The following YTHDF1 variants were observed in gnomAD, a reference collection of about 807,000 sequenced individuals.
YTHDF1 encodes YTH domain-containing family protein 1.
In YTHDF1, 16 loss-of-function variants were observed where a neutral mutation model predicts 49.1. The observed-to-expected ratio is 0.33, with a 90% CI of 0.22 to 0.49. YTHDF1 has a LOEUF of 0.49. YTHDF1 is among the 20% of genes least tolerant of loss of function. The probability of loss-of-function intolerance (pLI) is 0.99; values close to 1 mark genes in which losing one functional copy is unlikely to be tolerated. For synonymous variants in YTHDF1, 313 were observed against 290.1 expected (o/e 1.08, Z -0.80); for missense variants, 621 against 744.3 (o/e 0.83, Z 1.93).
At chr20:63,215,738 G>T in intron 1 of YTHDF1, 128 bp downstream of exon 1, 1 of 1,377,116 alleles carries the variant, frequency 7.3e-7, no homozygotes. Flanking sequence ...TGCGACCCCG[G>T]CCCCGAGACC....
intron 3 of YTHDF1, among the ~76,000 whole-genome samples, chr20:63,209,400 AT>A (rs1217768270): frequency 2.6e-5 from 4 of 152,154 alleles, no homozygotes; most frequent in African/African-American, 9.7e-5. Context: ...CTGTACAAAA[AT>A]TTTTTTTGTT....
chr20:63,215,473 G>A, intron 2 of YTHDF1, 104 bp downstream of exon 2: 2 of 1,494,280 alleles, frequency 1.3e-6, no homozygotes, highest in Non-Finnish European at 1.8e-6. Flanking sequence ...CCTGAAGCTG[G>A]CGGAAGAGAG....
At chr20:63,215,773 C>T (rs2066599269) in intron 1 of YTHDF1, 93 bp downstream of exon 1, 1 of 1,387,382 alleles carries the variant, frequency 7.2e-7, no homozygotes, top group East Asian at 3.0e-5. Flanking sequence ...GCCCGGCCTC[C>T]GCGACCCCGG....
chr20:63,203,196 C>A lies in YTHDF1; in HGVS notation c.744G>T (p.Met248Ile), dbSNP rs531981548. ...ASKPAKPQPK[M>I]KTKSGPVMGG... ...CCATGACAGGCCCGCTCTTTGTTTT[C>A]ATTTTAGGCTGTGGTTTTGCAGGCT... The change falls in exon 4 of 5, where the codon ATG (methionine) becomes ATT (isoleucine). Residue 248 changes from methionine to isoleucine, a missense_variant. This residue lies in a region of YTHDF1 where 470 missense variants were observed against 495.8 expected (regional missense o/e 0.95). Coordinates refer to ENST00000370339, the MANE Select transcript of YTHDF1 (RefSeq NM_017798.4). This position sits in a 1 kb window ranked among gnomAD's most constrained non-coding sequence, Gnocchi z 4.4. The A allele has an allele frequency of 7.4e-6, 12 of 1,613,988 alleles. No individual in the cohort carries two copies. The East Asian group carries it at 2.7e-4, about 36-fold the overall frequency.
intron 4 of YTHDF1, 71 bp downstream of exon 4, chr20:63,202,216 C>G: frequency 6.5e-7 from 1 of 1,533,370 alleles, no homozygotes; most frequent in Admixed American, 1.9e-5. Context: ...TGCTCACCAC[C>G]GGGCCACCTG....
intron 3 of YTHDF1, among the ~76,000 whole-genome samples, chr20:63,213,119 CCAGT>C (rs567373289): frequency 3.7e-4 from 56 of 152,282 alleles, no homozygotes; most frequent in African/African-American, 1.3e-3. Context: ...TGGACACAGG[CCAGT>C]CAGTGGTGGA....
chr20:63,204,830 A>G (rs2066538110), intron 3 of YTHDF1, among the ~76,000 whole-genome samples: 1 of 152,092 alleles, frequency 6.6e-6, no homozygotes, highest in Admixed American at 6.5e-5. Flanking sequence ...GAGAGACTCA[A>G]CTAAGGGTCT....
At chr20:63,209,104 A>G (rs972064195) in intron 3 of YTHDF1, among the ~76,000 whole-genome samples, 2 of 152,368 alleles carry the variant, frequency 1.3e-5, no homozygotes, top group African/African-American at 2.4e-5. Flanking sequence ...AAAATACGGT[A>G]TAAGAAATCA....
At chr20:63,215,262 A>G (rs1271109720) in intron 2 of YTHDF1, among the ~76,000 whole-genome samples, 2 of 152,174 alleles carry the variant, frequency 1.3e-5, no homozygotes, top group African/African-American at 4.8e-5. Context: ...TGCTGGGCGG[A>G]AAAAGGCAAG....
intron 3 of YTHDF1, among the ~76,000 whole-genome samples, chr20:63,211,401 G>A (rs925942292): frequency 6.6e-6 from 1 of 152,112 alleles, no homozygotes; most frequent in Non-Finnish European, 1.5e-5. Context: ...GGAAGTCGAG[G>A]CTGCAGTGAG....
intron 3 of YTHDF1, among the ~76,000 whole-genome samples, chr20:63,206,568 A>G (rs2066547182): frequency 6.6e-6 from 1 of 152,112 alleles, no homozygotes; most frequent in African/African-American, 2.4e-5. Flanking sequence ...ACCACCATTC[A>G]CATCCTGAGC....
intron 3 of YTHDF1, among the ~76,000 whole-genome samples, chr20:63,210,211 T>C (rs565282031): frequency 2.0e-5 from 3 of 152,300 alleles, no homozygotes; most frequent in East Asian, 3.9e-4. Flanking sequence ...TGTGGTCTGT[T>C]GCTGACCAAA....
chr20:63,215,714 G>A, intron 1 of YTHDF1, 113 bp from the exon 2 acceptor site: 3 of 1,415,814 alleles, frequency 2.1e-6, no homozygotes, highest in South Asian at 1.5e-5. Context: ...CGCCGGCCCC[G>A]ACGCGCGGTC....
intron 2 of YTHDF1, among the ~76,000 whole-genome samples, chr20:63,214,361 AACT>A (rs2066590982): frequency 6.6e-6 from 1 of 152,204 alleles, no homozygotes; most frequent in Non-Finnish European, 1.5e-5. Context: ...AAGGGGCTGC[AACT>A]GAAGGACTGT....
chr20:63,213,932 A>G lies in YTHDF1; in HGVS notation c.64T>C (p.Ser22Pro). Residue 22 changes from serine (S) to proline (P), a missense_variant, in exon 3 of 5, where the codon TCG becomes CCG. Ser to Pro is a moderately conservative substitution (Grantham distance 74, BLOSUM62 -1). Around this residue, in one of 2 missense-constraint regions of YTHDF1, gnomAD observed 470 missense variants for 495.8 expected, o/e 0.95. Coordinates refer to ENST00000370339, the MANE Select transcript of YTHDF1 (RefSeq NM_017798.4). ...TGAACTGTATCCTTCTGATGTAACG[A>G]ACCATTTTGTACTAGAACAAAAAGT... ...KGQDNKVQNG[S>P]LHQKDTVHDN... 6.4e-7 allele frequency: 1 copy of G among 1,562,360 alleles called. No homozygotes were observed.
chr20:63,211,078 T>G (rs1181058165), intron 3 of YTHDF1, among the ~76,000 whole-genome samples: 1 of 147,260 alleles, frequency 6.8e-6, no homozygotes, highest in Non-Finnish European at 1.5e-5. Flanking sequence ...TCCTAAGACT[T>G]TCTAAACCAT....
chr20:63,204,352 A>C (rs552900000), intron 3 of YTHDF1, among the ~76,000 whole-genome samples: 193 of 152,114 alleles, frequency 1.3e-3, no homozygotes, highest in African/African-American at 4.5e-3. Context: ...CTCCTGGGAC[A>C]CTCTCCCATA....
rs920612843 is a variant in YTHDF1 at position 63,213,885 on chromosome 20, G to A, written c.111C>T (p.Tyr37=). Residue 37 remains tyrosine (Y), a synonymous_variant, in exon 3 of 5, where the codon TAC becomes TAT. Coordinates refer to ENST00000370339, the MANE Select transcript of YTHDF1 (RefSeq NM_017798.4). ...DTVHDNDFEP[Y]LTGQSNQSNS... is the part of the protein sequence containing the mutation. The stretch of plus-strand genomic sequence containing the variant: ...TCACCTGATTTGACTGTCCAGTAAG[G>A]TAGGGCTCAAAGTCATTGTCATGAA... The A allele has an allele frequency of 1.9e-6, 3 of 1,593,796 alleles. No homozygotes were observed. The highest frequency in any genetic ancestry group is 2.3e-5 in the East Asian group (1 of 43,746).
intron 3 of YTHDF1, among the ~76,000 whole-genome samples, chr20:63,210,229 C>T (rs1006265675): frequency 6.6e-6 from 1 of 152,252 alleles, no homozygotes; most frequent in East Asian, 1.9e-4. Flanking sequence ...AAACTGCATC[C>T]GGCAGCACAG....
Sources: gnomAD v4.1 joint callset for allele counts (sites outside exome capture counted in the v4.1 genomes callset) on GRCh38, gnomAD v4.1.1 for gene constraint, gnomAD v4.1.1 regional missense constraint, Gnocchi (gnomAD v3.1) non-coding constraint, MANE v1.5 for transcripts, NCBI Gene and HGNC (gene_info 2026-07-23, HGNC 2026-07-21) for gene names.